Variants in CAMK2D observed in about 807,000 individuals in gnomAD.
CAMK2D encodes the protein calcium/calmodulin-dependent protein kinase type II subunit delta.
In CAMK2D, 37 loss-of-function variants were observed where a neutral mutation model predicts 84.0. The ratio of observed to expected loss-of-function variants is 0.44; its 90% CI spans 0.34 to 0.58. CAMK2D has a LOEUF of 0.58. CAMK2D is among the 20% of genes least tolerant of loss of function. The probability of loss-of-function intolerance (pLI) is 0.02; values close to 1 mark genes in which losing one functional copy is unlikely to be tolerated. For missense variants in CAMK2D, 448 were observed against 652.5 expected (o/e 0.69, Z 3.41); for synonymous variants, 202 against 212.5 (o/e 0.95, Z 0.43).
At chr4:113,635,894 G>A (rs987785764) in intron 3 of CAMK2D, among the ~76,000 whole-genome samples, 4 of 152,236 alleles carry the variant, frequency 2.6e-5, no homozygotes, top group African/African-American at 9.6e-5. Context: ...GACAGGAGCT[G>A]TACAGCTATG....
chr4:113,619,309 C>T (rs1336233816), intron 3 of CAMK2D, among the ~76,000 whole-genome samples: 1 of 152,150 alleles, frequency 6.6e-6, no homozygotes, highest in African/African-American at 2.4e-5. Flanking sequence ...CCTCCTATCT[C>T]ATTTCTGTGT....
At chr4:113,462,300 C>CTGTG (rs2097393607) in intron 17 of CAMK2D, among the ~76,000 whole-genome samples, 1 of 104,284 alleles carries the variant, frequency 9.6e-6, no homozygotes, top group Non-Finnish European at 2.3e-5. Flanking sequence ...GTGTGTCTGT[C>CTGTG]TGTCTGTCTG....
chr4:113,636,169 G>A (rs979162024), intron 3 of CAMK2D, among the ~76,000 whole-genome samples: 1 of 152,090 alleles, frequency 6.6e-6, no homozygotes, highest in Non-Finnish European at 1.5e-5. Flanking sequence ...ACTCCCAGCT[G>A]TGTCCACCTC....
chr4:113,534,472 C>G (rs761797482), intron 7 of CAMK2D, among the ~76,000 whole-genome samples: 2 of 152,182 alleles, frequency 1.3e-5, no homozygotes, highest in Non-Finnish European at 2.9e-5. Context: ...GGTACCTTAA[C>G]AATAACTTAA....
intron 2 of CAMK2D, among the ~76,000 whole-genome samples, chr4:113,695,565 C>G (rs1370699599): frequency 6.6e-6 from 1 of 152,014 alleles, no homozygotes; most frequent in Non-Finnish European, 1.5e-5. Context: ...ATCTTTGAGG[C>G]AATTCATTCC....
chr4:113,662,188 T>C (rs1261853261), intron 2 of CAMK2D, among the ~76,000 whole-genome samples: 1 of 152,194 alleles, frequency 6.6e-6, no homozygotes, highest in East Asian at 1.9e-4. Flanking sequence ...AATTATATTT[T>C]ATCCCTAATG....
intron 5 of CAMK2D, among the ~76,000 whole-genome samples, chr4:113,548,192 G>A (rs911290493): frequency 1.3e-5 from 2 of 152,106 alleles, no homozygotes; most frequent in Admixed American, 1.3e-4. Context: ...TTAACTTCTT[G>A]TGCTTTAATT....
intron 14 of CAMK2D, among the ~76,000 whole-genome samples, chr4:113,504,516 C>T (rs1045204308): frequency 2.0e-5 from 3 of 152,166 alleles, no homozygotes; most frequent in Non-Finnish European, 4.4e-5. Flanking sequence ...AAGAGGGAAA[C>T]GAGAACTCTG....
chr4:113,697,436 G>A (rs2099406196), intron 2 of CAMK2D, among the ~76,000 whole-genome samples: 1 of 152,056 alleles, frequency 6.6e-6, no homozygotes, highest in South Asian at 2.1e-4. Flanking sequence ...AGAGCCAGGA[G>A]TTTGAATTTG....
intron 15 of CAMK2D, among the ~76,000 whole-genome samples, chr4:113,502,594 C>A (rs1263177091): frequency 1.3e-5 from 2 of 150,244 alleles, no homozygotes; most frequent in African/African-American, 2.4e-5. Context: ...TCTAAAATAT[C>A]ATGCACAATA....
chr4:113,596,047 G>A (rs1196461704), intron 4 of CAMK2D, among the ~76,000 whole-genome samples: 1 of 152,154 alleles, frequency 6.6e-6, no homozygotes, highest in Non-Finnish European at 1.5e-5. Flanking sequence ...CTGCTGCTGT[G>A]TTATCAATTA....
intron 16 of CAMK2D, among the ~76,000 whole-genome samples, chr4:113,494,655 T>C (rs1473625676): frequency 1.3e-5 from 2 of 152,224 alleles, no homozygotes; most frequent in African/African-American, 4.8e-5. Flanking sequence ...CCTTGAGCTG[T>C]GGTGGGCTCC....
At chr4:113,504,863 A>G (rs73841648) in intron 14 of CAMK2D, 113 bp downstream of exon 14, 2 of 391,846 alleles carry the variant, frequency 5.1e-6, no homozygotes, top group Non-Finnish European at 8.7e-6. Flanking sequence ...CCAACACCCA[A>G]CGAAATAAAA....
In CAMK2D at chr4:113,609,649, T is replaced by C. The variant is rs75365181; in HGVS notation, c.221-443A>G. ...GTCCAAGTCTTCACCAACTCATGCTTGGTCACTACAACAGACAGTAAGAGG... is the reference window on the plus strand; with the variant it reads ...GTCCAAGTCTTCACCAACTCATGCTCGGTCACTACAACAGACAGTAAGAGG... On this transcript the variant is annotated intron_variant, in intron 3 of 20. Coordinates refer to ENST00000511664, the MANE Select transcript of CAMK2D (RefSeq NM_001321571.2). 2.2e-4 allele frequency among the ~76,000 whole-genome samples: 34 copies of C among 152,338 alleles called. No homozygotes were observed. The East Asian group carries it at 6.2e-3, about 28-fold the overall frequency.
intron 8 of CAMK2D, among the ~76,000 whole-genome samples, chr4:113,529,357 A>G (rs1476983977): frequency 2.0e-5 from 3 of 152,212 alleles, no homozygotes; most frequent in Admixed American, 2.0e-4. Flanking sequence ...TGAATTTATT[A>G]ACTTTTTAAA....
chr4:113,474,692 G>A (rs2097584454), intron 16 of CAMK2D, among the ~76,000 whole-genome samples: 2 of 151,902 alleles, frequency 1.3e-5, no homozygotes, highest in South Asian at 4.2e-4. Context: ...TGTCCCCCAG[G>A]CTGGAGTGCA....
intron 2 of CAMK2D, among the ~76,000 whole-genome samples, chr4:113,669,530 G>C (rs1235402618): frequency 6.6e-6 from 1 of 152,068 alleles, no homozygotes; most frequent in Non-Finnish European, 1.5e-5. Context: ...TCCTTTGGAA[G>C]ATCAAGGAAG....
chr4:113,715,312 T>A (rs375285114), intron 2 of CAMK2D, among the ~76,000 whole-genome samples: 1 of 152,148 alleles, frequency 6.6e-6, no homozygotes, highest in East Asian at 1.9e-4. Context: ...ACAGTGAGCA[T>A]TCTTCTCTTC....
At chr4:113,509,606 A>C (rs2098182334) in intron 13 of CAMK2D, 32 bp downstream of exon 13, 1 of 1,429,298 alleles carries the variant, frequency 7.0e-7, no homozygotes. Flanking sequence ...TCTGAAAGTC[A>C]GAAATGGATT....
Sources: allele counts gnomAD v4.1 joint callset (sites outside exome capture counted in the v4.1 genomes callset), GRCh38; gene constraint gnomAD v4.1.1; transcripts MANE v1.5; gene names NCBI Gene and HGNC (gene_info 2026-07-23, HGNC 2026-07-21).